RPS6KA5: variants seen among roughly 807,000 people sequenced by gnomAD.
RPS6KA5 encodes ribosomal protein S6 kinase alpha-5.
RPS6KA5 carries 27 observed loss-of-function variants against 85.5 expected under a neutral mutation model. The observed-to-expected ratio is 0.32, with a 90% CI of 0.23 to 0.44. The LOEUF is 0.44. Among genes scored for constraint, RPS6KA5 ranks in the 20% least tolerant of loss-of-function variants. The probability of loss-of-function intolerance (pLI) is 1.00; values close to 1 mark genes in which losing one functional copy is unlikely to be tolerated. For synonymous variants in RPS6KA5, 334 were observed against 348.2 expected (o/e 0.96, Z 0.46); for missense variants, 811 against 980.9 (o/e 0.83, Z 2.31).
At chr14:90,995,802 A>G (rs1323637801) in intron 2 of RPS6KA5, among the ~76,000 whole-genome samples, 1 of 152,160 alleles carries the variant, frequency 6.6e-6, no homozygotes, top group Non-Finnish European at 1.5e-5. Flanking sequence ...GATTGTGGCT[A>G]CATGCAGTGA....
At chr14:91,050,176 A>G (rs2043016479) in intron 1 of RPS6KA5, among the ~76,000 whole-genome samples, 1 of 151,906 alleles carries the variant, frequency 6.6e-6, no homozygotes. Flanking sequence ...CCAGAAGTTC[A>G]AGGCCAGCCT....
intron 1 of RPS6KA5, among the ~76,000 whole-genome samples, chr14:91,004,173 C>T (rs2040906557): frequency 6.6e-6 from 1 of 152,212 alleles, no homozygotes; most frequent in Non-Finnish European, 1.5e-5. Flanking sequence ...GCAAGCTCCG[C>T]CTCCCGGGTT....
At chr14:90,963,521 G>T (rs1470607839) in intron 3 of RPS6KA5, among the ~76,000 whole-genome samples, 1 of 152,092 alleles carries the variant, frequency 6.6e-6, no homozygotes, top group Non-Finnish European at 1.5e-5. Flanking sequence ...ATGTTAGTTG[G>T]CATTCTCCCA....
rs1345890960 is a variant in RPS6KA5 at position 90,867,009 on chromosome 14, A to T, written c.*5065T>A. 6.6e-6 allele frequency: 1 copy of T among 152,242 alleles called. No individual in the cohort carries two copies. The highest frequency in any genetic ancestry group is 1.5e-5 in the Non-Finnish European group (1 of 68,038). The allele number at this position is 152,242 out of a possible 1,614,324, so 9.4% of individuals were successfully genotyped here. A position where few individuals can be genotyped will look rare whatever the true frequency, so the allele number is the denominator to read the frequency against. ...GAGCTTTAATGAGGTTAATTGTCAC[A>T]TACATATCCATTCCAACATAGCAGT... On this transcript the variant is annotated 3_prime_UTR_variant, in exon 17 of 17. Transcript: ENST00000614987.
chr14:91,007,962 G>C (rs1319098158), intron 1 of RPS6KA5, among the ~76,000 whole-genome samples: 1 of 152,090 alleles, frequency 6.6e-6, no homozygotes, highest in African/African-American at 2.4e-5. Context: ...GGTCTTCCAG[G>C]ATTTCAGCCA....
intron 2 of RPS6KA5, among the ~76,000 whole-genome samples, chr14:90,990,873 T>C (rs1218042719): frequency 6.6e-6 from 1 of 152,062 alleles, no homozygotes; most frequent in Non-Finnish European, 1.5e-5. Context: ...TAGGGCCTAC[T>C]TGAGGGGAGA....
intron 1 of RPS6KA5, among the ~76,000 whole-genome samples, chr14:91,006,797 G>T (rs574474924): frequency 6.6e-6 from 1 of 152,118 alleles, no homozygotes; most frequent in African/African-American, 2.4e-5. Context: ...TCGAACTCCT[G>T]ACCTCAGGTG....
At chr14:90,970,571 T>G (rs1389017270) in intron 3 of RPS6KA5, among the ~76,000 whole-genome samples, 1 of 152,226 alleles carries the variant, frequency 6.6e-6, no homozygotes, top group Non-Finnish European at 1.5e-5. Flanking sequence ...TGTAACAATT[T>G]ATTACAGTCA....
chr14:90,856,276 AG>A lies in RPS6KA5; in HGVS notation c.*15797del. The A allele has an allele frequency of 6.6e-6, 1 of 152,150 alleles. No homozygotes were observed. Among genetic ancestry groups the A allele is most frequent in the Non-Finnish European group, 1.5e-5 (1 of 68,044 alleles). The allele number at this position is 152,150 out of a possible 1,614,324, so 9.4% of individuals were successfully genotyped here. A position where few individuals can be genotyped will look rare whatever the true frequency, so the allele number is the denominator to read the frequency against. The stretch of plus-strand genomic sequence containing the variant: ...ATGCTTCAGAGTTGATGCCAAAGAA[AG>A]GGGGGCAGGATGGCATTCTCTGAAT... On this transcript the variant is annotated 3_prime_UTR_variant, in exon 17 of 17. Transcript: ENST00000614987.
intron 1 of RPS6KA5, among the ~76,000 whole-genome samples, chr14:91,044,303 GAA>G (rs1298067303): frequency 5.3e-5 from 7 of 133,330 alleles, no homozygotes; most frequent in African/African-American, 1.6e-4. Context: ...GAAAGAGAGA[GAA>G]AGAGAGAGAG....
At chr14:91,021,296 T>G (rs2041767757) in intron 1 of RPS6KA5, among the ~76,000 whole-genome samples, 1 of 152,110 alleles carries the variant, frequency 6.6e-6, no homozygotes, top group Admixed American at 6.6e-5. Context: ...TGCTTAGATA[T>G]CTACCTATCT....
chr14:90,979,503 A>G (rs566158170), intron 2 of RPS6KA5, among the ~76,000 whole-genome samples: 5 of 152,340 alleles, frequency 3.3e-5, no homozygotes, highest in South Asian at 4.1e-4. Context: ...ATTCTGGCCC[A>G]GATCAATATT....
chr14:91,043,025 C>A (rs552336426), intron 1 of RPS6KA5, among the ~76,000 whole-genome samples: 1 of 152,162 alleles, frequency 6.6e-6, no homozygotes, highest in East Asian at 1.9e-4. Flanking sequence ...TCAATCCATT[C>A]CAATCCGGCT....
At chr14:90,998,566 G>C (rs1419190920) in intron 2 of RPS6KA5, among the ~76,000 whole-genome samples, 1 of 152,168 alleles carries the variant, frequency 6.6e-6, no homozygotes, top group Admixed American at 6.5e-5. Context: ...CCTTTGAGTA[G>C]ATATTGCCTT....
chr14:90,966,414 C>G (rs2039064186), intron 3 of RPS6KA5, among the ~76,000 whole-genome samples: 1 of 152,138 alleles, frequency 6.6e-6, no homozygotes, highest in Non-Finnish European at 1.5e-5. Flanking sequence ...TCATAGAATA[C>G]TAACCCTTTC....
At chr14:90,940,942 C>A (rs774143149) in intron 5 of RPS6KA5, among the ~76,000 whole-genome samples, 1 of 152,170 alleles carries the variant, frequency 6.6e-6, no homozygotes, top group African/African-American at 2.4e-5. Context: ...CCCCGACCCT[C>A]GTCTTTGGGA....
intron 1 of RPS6KA5, among the ~76,000 whole-genome samples, chr14:91,013,277 C>G (rs953984730): frequency 2.0e-5 from 3 of 152,176 alleles, no homozygotes; most frequent in Admixed American, 6.5e-5. Context: ...ACTGACAAGA[C>G]TGGAACAGAC....
chr14:91,044,899 G>A (rs2042809647), intron 1 of RPS6KA5, among the ~76,000 whole-genome samples: 1 of 151,164 alleles, frequency 6.6e-6, no homozygotes, highest in African/African-American at 2.4e-5. Context: ...AAAGGTGGAA[G>A]AGACAAATGA....
chr14:90,855,329 G>A lies in RPS6KA5; in HGVS notation c.*16745C>T, dbSNP rs372146433. The A allele has an allele frequency of 6.6e-6, 1 of 152,210 alleles. No homozygotes were observed. 9.4% of individuals were successfully genotyped at this position (152,210 alleles called of 1,614,324 possible). A position where few individuals can be genotyped will look rare whatever the true frequency, so the allele number is the denominator to read the frequency against. ...AAATATTTCAGCTAACTGCACAAAT[G>A]AGCCTGCTTCTGAGACAAAGTTAAC... On this transcript the variant is annotated 3_prime_UTR_variant, in exon 17 of 17. Coordinates refer to ENST00000614987, the MANE Select transcript of RPS6KA5 (RefSeq NM_004755.4).
Sources: gnomAD v4.1 joint callset for allele counts (sites outside exome capture counted in the v4.1 genomes callset) on GRCh38, gnomAD v4.1.1 for gene constraint, MANE v1.5 for transcripts, NCBI Gene and HGNC (gene_info 2026-07-23, HGNC 2026-07-21) for gene names.